Variants in CHMP3 observed in about 807,000 individuals in gnomAD.
The protein encoded by CHMP3 is 25.1 protein.
Under a neutral mutation model 27.4 loss-of-function variants are expected in CHMP3, and 8 were observed. The ratio of observed to expected loss-of-function variants is 0.29; its 90% CI spans 0.17 to 0.53. The LOEUF (loss-of-function observed/expected upper bound fraction) is 0.53. Among genes scored for constraint, CHMP3 ranks in the 20% least tolerant of loss-of-function variants. The pLI, the probability that CHMP3 is intolerant of heterozygous loss-of-function variation, is 0.96. For missense variants in CHMP3, 208 were observed against 271.5 expected (o/e 0.77, Z 1.64); for synonymous variants, 86 against 85.5 (o/e 1.01, Z -0.03).
At chr2:86,548,714 T>A (rs1299525789) in intron 1 of CHMP3, among the ~76,000 whole-genome samples, 1 of 152,206 alleles carries the variant, frequency 6.6e-6, no homozygotes, top group Non-Finnish European at 1.5e-5. Flanking sequence ...TCGGAGCTAT[T>A]GGGTACACTT....
chr2:86,563,035 G>A (rs1677450388), intron 1 of CHMP3: 1 of 410,416 alleles, frequency 2.4e-6, no homozygotes, highest in African/African-American at 2.0e-5. Flanking sequence ...CCAGGACGGT[G>A]TCGCTGCCTA....
intron 1 of CHMP3, among the ~76,000 whole-genome samples, chr2:86,550,388 G>A (rs931041889): frequency 2.6e-5 from 4 of 151,890 alleles, no homozygotes; most frequent in African/African-American, 9.7e-5. Context: ...AGGAGAGGGA[G>A]AGAGGGAGAG....
rs1674861338 is a variant in CHMP3, at chr2:86,505,725, A to G, written c.*79T>C. On this transcript the variant is annotated 3_prime_UTR_variant, in exon 6 of 6. Transcript: ENST00000263856. Reference sequence around the variant, plus strand: ...CTTCTCCAAAATGGTAGTCCTCACAACAGAGGTGTAGTGCAAGAGACACAT... The same window carrying G: ...CTTCTCCAAAATGGTAGTCCTCACAGCAGAGGTGTAGTGCAAGAGACACAT... 9 of 1,379,912 alleles carry G rather than the reference A, an allele frequency of 6.5e-6. No homozygotes were observed. The highest frequency in any genetic ancestry group is 6.6e-6 in the Non-Finnish European group (7 of 1,059,092). The allele number at this position is 1,379,912 out of a possible 1,614,324, so 85.5% of individuals were successfully genotyped here.
chr2:86,534,196 C>CTTTTTTT (rs33977886), intron 2 of CHMP3, among the ~76,000 whole-genome samples: 3 of 66,938 alleles, frequency 4.5e-5, no homozygotes, highest in African/African-American at 5.6e-5. Flanking sequence ...TGCTTTATTT[C>CTTTTTTT]TTTTTTTTTT....
At position 86,553,259 on chromosome 2, in the gene CHMP3, T is replaced by C. The variant is rs555536104; in HGVS notation, c.45+10045A>G. ...ATAGACAAAACCATAACAAGGAACATTCTACAAAACAAATGCTCTATTTTA... is the reference window on the plus strand; with the variant it reads ...ATAGACAAAACCATAACAAGGAACACTCTACAAAACAAATGCTCTATTTTA... On this transcript the variant is annotated intron_variant, in intron 1 of 5. Coordinates refer to ENST00000263856, the MANE Select transcript of CHMP3 (RefSeq NM_016079.4). Among the ~76,000 whole-genome samples the C allele has an allele frequency of 4.0e-4, 60 of 151,482 alleles. 1 individual carries two copies. Among genetic ancestry groups the C allele is most frequent in the African/African-American group, 1.4e-3 (56 of 41,268 alleles).
chr2:86,561,468 A>C lies in CHMP3; in HGVS notation c.45+1836T>G, dbSNP rs546945152. On this transcript the variant is annotated intron_variant, in intron 1 of 5. Coordinates refer to ENST00000263856, the MANE Select transcript of CHMP3 (RefSeq NM_016079.4). Reference sequence around the variant, plus strand: ...AACATCACCTGGGAGCTTATTAGAAATCTCAGACCCTATCCAAGACCTACT... The same window carrying C: ...AACATCACCTGGGAGCTTATTAGAACTCTCAGACCCTATCCAAGACCTACT... Among the ~76,000 whole-genome samples the C allele has an allele frequency of 1.8e-3, 275 of 152,272 alleles. 2 individuals carry two copies. Among genetic ancestry groups the C allele is most frequent in the Admixed American group, 7.3e-3 (111 of 15,292 alleles).
chr2:86,554,775 A>AC (rs1432197373), intron 1 of CHMP3, among the ~76,000 whole-genome samples: 2 of 151,716 alleles, frequency 1.3e-5, no homozygotes, highest in Non-Finnish European at 2.9e-5. Context: ...ACACAAGGAA[A>AC]CAATCTAGAA....
At chr2:86,537,595 G>A (rs1391660304) in intron 2 of CHMP3, among the ~76,000 whole-genome samples, 1 of 152,140 alleles carries the variant, frequency 6.6e-6, no homozygotes, top group African/African-American at 2.4e-5. Flanking sequence ...TGGTAACTCT[G>A]GAGATCAGAT....
rs1677474854 is a variant in CHMP3 at position 86,563,379 on chromosome 2, C to A, written c.-31G>T. 1 of 1,610,858 alleles carries A rather than the reference C, an allele frequency of 6.2e-7. No homozygotes were observed. Among genetic ancestry groups the A allele is most frequent in the South Asian group, 1.1e-5 (1 of 91,002 alleles). ...ACTGAACCCGTCTTGCCCCTTCCGGCTTTCAGTTCCCCGCGCCCAGGCAGG... is the reference window on the plus strand; with the variant it reads ...ACTGAACCCGTCTTGCCCCTTCCGGATTTCAGTTCCCCGCGCCCAGGCAGG... On this transcript the variant is annotated 5_prime_UTR_variant, in exon 1 of 6. Coordinates refer to ENST00000263856, the MANE Select transcript of CHMP3 (RefSeq NM_016079.4).
rs542353500 is a variant in CHMP3, at chr2:86,525,771, TA to T, written c.286+3446del. Among the ~76,000 whole-genome samples, 567 of 151,638 alleles carry T rather than the reference TA, an allele frequency of 3.7e-3. 8 individuals are homozygous for T. Among genetic ancestry groups the T allele is most frequent in the African/African-American group, 0.013 (535 of 41,358 alleles). On this transcript the variant is annotated intron_variant, in intron 3 of 5. Transcript: ENST00000263856. ...TTTTTAATGATGCCAAAAATTAAAA[TA>T]AAAAAAAATTCTCATAGTAGAAAGA...
chr2:86,554,518 G>A (rs928827401), intron 1 of CHMP3, among the ~76,000 whole-genome samples: 5 of 152,066 alleles, frequency 3.3e-5, no homozygotes, highest in African/African-American at 1.2e-4. Flanking sequence ...ATTCCTCTAA[G>A]ACTGGCAAAA....
At chr2:86,535,445 T>C (rs1227465348) in intron 2 of CHMP3, among the ~76,000 whole-genome samples, 2 of 152,198 alleles carry the variant, frequency 1.3e-5, no homozygotes, top group Non-Finnish European at 2.9e-5. Flanking sequence ...TACAGCCATT[T>C]TCTTTGTGGA....
Position 86,561,571 on chromosome 2 carries a change from A to G in CHMP3, c.45+1733T>C, listed in dbSNP as rs1677368104. On this transcript the variant is annotated intron_variant, in intron 1 of 5. Coordinates refer to ENST00000263856, the MANE Select transcript of CHMP3 (RefSeq NM_016079.4). ...TGCTTGAGAAGCACTGCTCTACAAT[A>G]CCCAGACTTGTCCATAATGGGGGGA... 2.0e-5 allele frequency: 3 copies of G among 152,142 alleles called. 1 individual carries two copies. The South Asian group carries it at 6.2e-4, about 31-fold the overall frequency. The allele number at this position is 152,142 out of a possible 1,614,324, so 9.4% of individuals were successfully genotyped here.
At chr2:86,558,042 C>T (rs1677194565) in intron 1 of CHMP3, among the ~76,000 whole-genome samples, 1 of 152,118 alleles carries the variant, frequency 6.6e-6, no homozygotes, top group African/African-American at 2.4e-5. Flanking sequence ...ATGACCCAGT[C>T]TAAGAACATA....
intron 1 of CHMP3, among the ~76,000 whole-genome samples, chr2:86,549,608 G>A (rs576821911): frequency 1.0e-4 from 15 of 148,922 alleles, no homozygotes; most frequent in African/African-American, 2.7e-4. Context: ...AGGGTCGGCC[G>A]GGAAGAGGCA....
chr2:86,506,637 T>TC (rs1431544000), intron 5 of CHMP3, among the ~76,000 whole-genome samples: 4 of 150,802 alleles, frequency 2.7e-5, no homozygotes, highest in Non-Finnish European at 5.9e-5. Context: ...TTTTTTTTTT[T>TC]TTTTTTTTGA....
chr2:86,547,461 A>G (rs1363893054), intron 1 of CHMP3, among the ~76,000 whole-genome samples: 1 of 152,264 alleles, frequency 6.6e-6, no homozygotes, highest in Non-Finnish European at 1.5e-5. Flanking sequence ...TACCTAAGAG[A>G]AATCTGAAGA....
At chr2:86,524,212 G>C (rs1277960144) in intron 3 of CHMP3, among the ~76,000 whole-genome samples, 1 of 152,146 alleles carries the variant, frequency 6.6e-6, no homozygotes, top group East Asian at 1.9e-4. Context: ...ACAGTGCAAA[G>C]GCAATGTACA....
chr2:86,516,454 A>G (rs1347571538), intron 3 of CHMP3, among the ~76,000 whole-genome samples: 1 of 152,228 alleles, frequency 6.6e-6, no homozygotes, highest in Non-Finnish European at 1.5e-5. Context: ...TAAAACCACA[A>G]TCAGCACCAT....
Sources: allele counts gnomAD v4.1 joint callset (sites outside exome capture counted in the v4.1 genomes callset), GRCh38; gene constraint gnomAD v4.1.1; transcripts MANE v1.5; gene names NCBI Gene and HGNC (gene_info 2026-07-23, HGNC 2026-07-21).